NECTIN3: variants seen among roughly 807,000 people sequenced by gnomAD.
NECTIN3 encodes the protein nectin cell adhesion molecule 3, also known as nectin-3.
A neutral mutation model predicts 49.4 loss-of-function variants in NECTIN3; 8 were observed. The observed-to-expected ratio is 0.16, with a 90% CI of 0.10 to 0.29. NECTIN3 has a LOEUF of 0.29. Among genes scored for constraint, NECTIN3 ranks in the 10% least tolerant of loss-of-function variants. The pLI, the probability that NECTIN3 is intolerant of heterozygous loss-of-function variation, is 1.00. For synonymous variants in NECTIN3, 277 were observed against 241.1 expected, an observed-to-expected ratio of 1.15 and a Z score of -1.38; for missense variants, 581 against 654.6, an observed-to-expected ratio of 0.89 and a Z score of 1.23.
chr3:111,147,622 TTAGTCATTATGCATTAAAGATTACA>T, intron 7 of NECTIN3: 117 of 738,862 alleles, frequency 1.6e-4, no homozygotes, highest in Non-Finnish European at 2.3e-4. Context: ...TAAATGTTGT[TTAGTCATTATGCATTAAAGATTACA>T]TAGCAATACC....
intron 5 of NECTIN3, among the ~76,000 whole-genome samples, chr3:111,131,547 A>G (rs2034390899): frequency 6.6e-6 from 1 of 151,992 alleles, no homozygotes; most frequent in Non-Finnish European, 1.5e-5. Flanking sequence ...GTTATTTTTA[A>G]CACTGATTAA....
At chr3:111,107,053 G>C (rs757708524) in intron 1 of NECTIN3, among the ~76,000 whole-genome samples, 2 of 152,088 alleles carry the variant, frequency 1.3e-5, no homozygotes, top group Non-Finnish European at 2.9e-5. Flanking sequence ...GGGAATGGTT[G>C]CAATTTTATT....
intron 2 of NECTIN3, 148 bp from the exon 3 acceptor site, chr3:111,118,508 A>G: frequency 1.5e-6 from 1 of 673,294 alleles, no homozygotes; most frequent in Non-Finnish European, 2.3e-6. Context: ...CCAAGAATGT[A>G]ATTGACGATG....
intron 3 of NECTIN3, among the ~76,000 whole-genome samples, chr3:111,119,837 A>T (rs2033868325): frequency 6.6e-6 from 1 of 152,128 alleles, no homozygotes; most frequent in African/African-American, 2.4e-5. Flanking sequence ...GCAAATTATA[A>T]ATCTAGGTGT....
chr3:111,177,963 A>G (rs1439891945), intron 7 of NECTIN3, among the ~76,000 whole-genome samples: 3 of 152,200 alleles, frequency 2.0e-5, no homozygotes, highest in Admixed American at 6.5e-5. Context: ...AAATTTAGGT[A>G]AAGTATCACT....
intron 1 of NECTIN3, among the ~76,000 whole-genome samples, chr3:111,082,962 C>T (rs986848208): frequency 1.3e-5 from 2 of 152,078 alleles, no homozygotes; most frequent in Non-Finnish European, 2.9e-5. Flanking sequence ...GTTCGTGCTC[C>T]TGTGAGAATC....
intron 7 of NECTIN3, among the ~76,000 whole-genome samples, chr3:111,183,925 T>C (rs2035672668): frequency 6.6e-6 from 1 of 152,184 alleles, no homozygotes; most frequent in Admixed American, 6.5e-5. Flanking sequence ...TGGAAAATTT[T>C]GGCAGTTCTT....
chr3:111,118,517 T>C, intron 2 of NECTIN3, 139 bp from the exon 3 acceptor site: 1 of 725,172 alleles, frequency 1.4e-6, no homozygotes, highest in Non-Finnish European at 2.1e-6. Context: ...TAATTGACGA[T>C]GGCATTACCT....
intron 2 of NECTIN3, among the ~76,000 whole-genome samples, chr3:111,117,625 A>G (rs891464526): frequency 6.6e-6 from 1 of 152,118 alleles, no homozygotes; most frequent in South Asian, 2.1e-4. Flanking sequence ...AAAGTAAAAT[A>G]TGAAACAAAA....
At chr3:111,177,038 A>G (rs2035543421) in intron 7 of NECTIN3, among the ~76,000 whole-genome samples, 1 of 152,122 alleles carries the variant, frequency 6.6e-6, no homozygotes, top group Admixed American at 6.5e-5. Context: ...TATTTTTGCA[A>G]AGAATGGCAT....
chr3:111,129,656 T>A (rs552451107), intron 5 of NECTIN3, among the ~76,000 whole-genome samples: 8 of 151,908 alleles, frequency 5.3e-5, no homozygotes, highest in Non-Finnish European at 1.0e-4. Flanking sequence ...TGAGATAATT[T>A]TTTTTTTTTT....
chr3:111,144,800 A>G, intron 5 of NECTIN3: 2 of 1,335,026 alleles, frequency 1.5e-6, no homozygotes, highest in Non-Finnish European at 2.0e-6. Context: ...CTTGGATAAC[A>G]TACTTCAGTC....
rs1251497860 is a variant in NECTIN3, at chr3:111,112,266, A to G, written c.397A>G (p.Ile133Val). The G allele has an allele frequency of 1.1e-5, 18 of 1,613,660 alleles. No homozygotes were observed. The highest frequency in any genetic ancestry group is 1.5e-5 in the Non-Finnish European group (18 of 1,179,676). Residue 133 changes from isoleucine to valine, a missense_variant, in exon 2 of 6, where the codon ATT becomes GTT. Physicochemically the swap from Ile to Val is conservative, Grantham distance 29. Transcript: ENST00000485303. Reference protein sequence around the residue: ...FKNYSLNDATITLHNIGFSDS... With the variant: ...FKNYSLNDATVTLHNIGFSDS... ...AAATTACTCACTTAATGATGCAACA[A>G]TTACTCTGCATAACATAGGATTCTC... is the stretch of plus-strand genomic sequence containing the variant.
Position 111,144,887 on chromosome 3 carries a change from G to T in NECTIN3, c.1001-12G>T, listed in dbSNP as rs752040825. Reference sequence around the variant, plus strand: ...AGATTATTTGAAAAGCCTAATTTTTGTTACTTTACAGATGTTCCATTTAAG... The same window carrying T: ...AGATTATTTGAAAAGCCTAATTTTTTTTACTTTACAGATGTTCCATTTAAG... On this transcript the variant is annotated splice_polypyrimidine_tract_variant and intron_variant, in intron 5 of 8. Coordinates refer to the NECTIN3 transcript ENST00000493615. 3 of 1,517,518 alleles carry T rather than the reference G, an allele frequency of 2.0e-6. No homozygotes were observed. In the African/African-American group the frequency reaches 4.2e-5, roughly 21 times the overall value. 94.0% of individuals were successfully genotyped at this position (1,517,518 alleles called of 1,614,324 possible).
At chr3:111,125,022 C>CTT (rs869201432) in intron 4 of NECTIN3, among the ~76,000 whole-genome samples, 922 of 90,100 alleles carry the variant, frequency 0.01, no homozygotes, top group Non-Finnish European at 0.014. Context: ...TCTTTTCTTT[C>CTT]TTTTTTTTTT....
intron 5 of NECTIN3, among the ~76,000 whole-genome samples, chr3:111,128,921 T>C (rs756829381): frequency 2.0e-5 from 3 of 152,206 alleles, no homozygotes; most frequent in Non-Finnish European, 2.9e-5. Context: ...GTCACTCCTC[T>C]CCTCAAAACC....
intron 7 of NECTIN3, among the ~76,000 whole-genome samples, chr3:111,182,348 G>A (rs535827589): frequency 5.3e-5 from 8 of 152,128 alleles, no homozygotes; most frequent in African/African-American, 1.9e-4. Context: ...AGGTCAAGTT[G>A]GTTGATAGTG....
intron 7 of NECTIN3, among the ~76,000 whole-genome samples, chr3:111,159,160 A>G (rs1201928717): frequency 6.6e-6 from 1 of 152,140 alleles, no homozygotes; most frequent in Non-Finnish European, 1.5e-5. Context: ...ATAACAATTT[A>G]TACTTAATTT....
At chr3:111,181,086 A>G (rs1426596598) in intron 7 of NECTIN3, among the ~76,000 whole-genome samples, 2 of 152,102 alleles carry the variant, frequency 1.3e-5, no homozygotes, top group Non-Finnish European at 2.9e-5. Flanking sequence ...TTTCTCATGT[A>G]TACCCTCCAC....
Sources: gnomAD v4.1 joint callset for allele counts (sites outside exome capture counted in the v4.1 genomes callset) on GRCh38, gnomAD v4.1.1 for gene constraint, MANE v1.5 for transcripts, NCBI Gene and HGNC (gene_info 2026-07-23, HGNC 2026-07-21) for gene names.